Variants in NFIB observed in about 807,000 individuals in gnomAD.
NFIB encodes the protein nuclear factor I B.
In NFIB, 11 loss-of-function variants were observed where a neutral mutation model predicts 61.5. The observed-to-expected ratio is 0.18, with a 90% CI of 0.11 to 0.30. The LOEUF (loss-of-function observed/expected upper bound fraction) is 0.30. Among genes scored for constraint, NFIB ranks in the 10% least tolerant of loss-of-function variants. NFIB has a pLI of 1.00. For missense variants in NFIB, 471 were observed against 608.9 expected (o/e 0.77, Z 2.38); for synonymous variants, 260 against 216.5 (o/e 1.20, Z -1.76).
At chr9:14,525,709 G>C in the NFIB span, among the ~76,000 whole-genome samples, 1 of 152,094 alleles carries the variant, frequency 6.6e-6, no homozygotes, top group Non-Finnish European at 1.5e-5. Context: ...GCTACAATTT[G>C]AAATGGAAAA....
chr9:14,310,582 T>C (rs1351725526), intron 1 of NFIB, among the ~76,000 whole-genome samples: 1 of 152,198 alleles, frequency 6.6e-6, no homozygotes, highest in Admixed American at 6.5e-5. Flanking sequence ...GGTTTTCAAA[T>C]ATCCTAACTA....
chr9:14,482,390 A>G, the NFIB span, among the ~76,000 whole-genome samples: 1 of 152,034 alleles, frequency 6.6e-6, no homozygotes, highest in Non-Finnish European at 1.5e-5. Context: ...CTCCTCAGCC[A>G]TGCATCCCGC....
At chr9:14,254,730 G>C (rs1205450208) in intron 2 of NFIB, among the ~76,000 whole-genome samples, 1 of 152,146 alleles carries the variant, frequency 6.6e-6, no homozygotes, top group Non-Finnish European at 1.5e-5. Context: ...GTCTCACCAA[G>C]AGCAGAGCCA....
the NFIB span, among the ~76,000 whole-genome samples, chr9:14,458,281 A>G: frequency 5.3e-5 from 8 of 152,246 alleles, no homozygotes; most frequent in Non-Finnish European, 1.0e-4. Flanking sequence ...GATTATCTCA[A>G]TAGATGCAGA....
At chr9:14,321,638 C>T (rs1030894885) in intron 1 of NFIB, among the ~76,000 whole-genome samples, 4 of 152,128 alleles carry the variant, frequency 2.6e-5, no homozygotes, top group African/African-American at 9.7e-5. Flanking sequence ...AGAGTTAAAG[C>T]AGAACAAAAT....
chr9:14,204,139 T>C (rs1050974070), intron 2 of NFIB: 2 of 451,354 alleles, frequency 4.4e-6, no homozygotes, highest in Admixed American at 3.7e-5. Flanking sequence ...ATGTTTGTCT[T>C]ACAACATTAA....
chr9:14,345,340 A>G (rs2061005788), intron 1 of NFIB, among the ~76,000 whole-genome samples: 1 of 152,136 alleles, frequency 6.6e-6, no homozygotes, highest in Non-Finnish European at 1.5e-5. Flanking sequence ...CCCCAAATTC[A>G]TCTACCCTCG....
chr9:14,271,265 G>C (rs1351498467), intron 2 of NFIB, among the ~76,000 whole-genome samples: 2 of 139,366 alleles, frequency 1.4e-5, no homozygotes, highest in African/African-American at 5.4e-5. Context: ...GCCCAATCTC[G>C]CCTGGGCCAG....
intron 2 of NFIB, among the ~76,000 whole-genome samples, chr9:14,189,182 C>T (rs1438455595): frequency 2.6e-5 from 4 of 152,176 alleles, no homozygotes; most frequent in African/African-American, 7.2e-5. Context: ...CACATGGCCC[C>T]TCTGTGCTAT....
intron 2 of NFIB, among the ~76,000 whole-genome samples, chr9:14,202,496 C>T (rs901781203): frequency 6.6e-6 from 1 of 152,088 alleles, no homozygotes; most frequent in Non-Finnish European, 1.5e-5. Flanking sequence ...GATGGAGCCA[C>T]ACTACATGAA....
chr9:14,223,637 T>C (rs1181232287), intron 2 of NFIB, among the ~76,000 whole-genome samples: 1 of 152,072 alleles, frequency 6.6e-6, no homozygotes, highest in Non-Finnish European at 1.5e-5. Flanking sequence ...AGAAATCATG[T>C]TTTCCCTCAA....
intron 3 of NFIB, among the ~76,000 whole-genome samples, chr9:14,167,083 C>CGGG (rs71491636): frequency 0.048 from 4,999 of 104,060 alleles, 518 homozygotes; most frequent in East Asian, 0.18. Context: ...GTGTGTGTGT[C>CGGG]GGGGGGGGGG....
chr9:14,144,969 C>G (rs1232516441), intron 6 of NFIB, among the ~76,000 whole-genome samples: 1 of 152,144 alleles, frequency 6.6e-6, no homozygotes, highest in Non-Finnish European at 1.5e-5. Flanking sequence ...AAAAGATTCC[C>G]ATTTTTTCCT....
At chr9:14,403,572 C>A (rs1482782719), upstream of NFIB, among the ~76,000 whole-genome samples, 5 of 151,542 alleles carry the variant, frequency 3.3e-5, no homozygotes, top group Non-Finnish European at 7.4e-5. Flanking sequence ...CTAAAGAGCT[C>A]ATTGAACATA....
At chr9:14,321,633 T>A (rs1345111320) in intron 1 of NFIB, among the ~76,000 whole-genome samples, 2 of 152,158 alleles carry the variant, frequency 1.3e-5, no homozygotes, top group Non-Finnish European at 2.9e-5. Flanking sequence ...AGCAGAGAGT[T>A]AAAGCAGAAC....
At chr9:14,269,004 A>T (rs1235614251) in intron 2 of NFIB, among the ~76,000 whole-genome samples, 1 of 152,192 alleles carries the variant, frequency 6.6e-6, no homozygotes, top group Admixed American at 6.5e-5. Flanking sequence ...CCTTATTAGC[A>T]ATTGTTTCAT....
chr9:14,150,702 C>T (rs2042773809), intron 4 of NFIB, among the ~76,000 whole-genome samples: 1 of 150,996 alleles, frequency 6.6e-6, no homozygotes, highest in South Asian at 2.1e-4. Flanking sequence ...AACCGTTTCA[C>T]AAAAAAAAGC....
In NFIB at chr9:14,380,165, T is replaced by C. The variant is rs150789408; in HGVS notation, c.108+18359A>G. 3.6e-4 allele frequency among the ~76,000 whole-genome samples: 55 copies of C among 152,328 alleles called. 1 individual carries two copies. The East Asian group carries it at 9.4e-3, about 26-fold the overall frequency. On this transcript the variant is annotated intron_variant, in intron 1 of 8. Coordinates refer to the NFIB transcript ENST00000380934. Reference sequence around the variant, plus strand: ...CACCTCTGCTGCTACTACAAGTTAGTGGAAAATTCTGAATGACAGGCAGCA... The same window carrying C: ...CACCTCTGCTGCTACTACAAGTTAGCGGAAAATTCTGAATGACAGGCAGCA...
upstream of NFIB, among the ~76,000 whole-genome samples, chr9:14,403,222 G>A (rs747278656): frequency 1.3e-5 from 2 of 152,192 alleles, no homozygotes; most frequent in Non-Finnish European, 2.9e-5. Context: ...ATGAAACGAT[G>A]TAAAAGGGGT....
Sources: allele counts gnomAD v4.1 joint callset (sites outside exome capture counted in the v4.1 genomes callset), GRCh38; gene constraint gnomAD v4.1.1; transcripts MANE v1.5; gene names NCBI Gene and HGNC (gene_info 2026-07-23, HGNC 2026-07-21).